The following MEGF11 variants were observed in gnomAD, a reference collection of about 807,000 sequenced individuals.
MEGF11 encodes multiple EGF like domains 11, also known as multiple epidermal growth factor-like domains protein 11.
MEGF11 carries 126 observed loss-of-function variants against 146.6 expected under a neutral mutation model. The observed-to-expected ratio is 0.86, with a 90% confidence interval of 0.74 to 1.00. MEGF11 has a LOEUF of 1.00. MEGF11 is among the 50% of genes least tolerant of loss of function. The pLI is 0.00. For synonymous variants in MEGF11, 532 were observed against 583.4 expected (o/e 0.91, Z 1.27); for missense variants, 1,509 against 1,521.2 (o/e 0.99, Z 0.13).
At chr15:65,939,877 G>T (rs1303074867) in intron 10 of MEGF11, among the ~76,000 whole-genome samples, 2 of 152,232 alleles carry the variant, frequency 1.3e-5, no homozygotes, top group East Asian at 3.9e-4. Flanking sequence ...CAGTTGTAAT[G>T]AAATAATCAT....
intron 5 of MEGF11, among the ~76,000 whole-genome samples, chr15:66,069,689 G>A (rs1318471387): frequency 6.6e-6 from 1 of 152,196 alleles, no homozygotes; most frequent in African/African-American, 2.4e-5. Context: ...GTGATGGAAA[G>A]GTTTGGCCAT....
chr15:66,032,163 A>G (rs961893011), intron 5 of MEGF11, among the ~76,000 whole-genome samples: 1 of 152,226 alleles, frequency 6.6e-6, no homozygotes, highest in Admixed American at 6.5e-5. Flanking sequence ...CTGGAGCAAA[A>G]AAGGCTGGGG....
At chr15:65,900,043 G>C (rs901589418) in intron 24 of MEGF11, among the ~76,000 whole-genome samples, 1 of 152,204 alleles carries the variant, frequency 6.6e-6, no homozygotes, top group African/African-American at 2.4e-5. Flanking sequence ...CCTGCAGATA[G>C]TCCCAGGCAA....
chr15:65,990,490 C>T (rs2081997131), intron 5 of MEGF11, among the ~76,000 whole-genome samples: 1 of 151,452 alleles, frequency 6.6e-6, no homozygotes, highest in South Asian at 2.1e-4. Context: ...GGTCGGGCTG[C>T]AGTGAGCTGT....
intron 5 of MEGF11, among the ~76,000 whole-genome samples, chr15:66,038,573 C>T (rs1452454477): frequency 6.6e-6 from 1 of 152,170 alleles, no homozygotes; most frequent in African/African-American, 2.4e-5. Flanking sequence ...CCCATAAAAA[C>T]ATGGGCGGTG....
In MEGF11 at chr15:66,207,920, TA is replaced by T. The variant is rs529334731; in HGVS notation, c.-9+45684del. On this transcript the variant is annotated intron_variant, in intron 1 of 25. Transcript: ENST00000395614. ...CAACATGGCAAAACCCTGTCTCTAC[TA>T]AAAAAAATACAAAAATTAGCCAGGT... Among the ~76,000 whole-genome samples the T allele has an allele frequency of 4.6e-5, 7 of 151,550 alleles. No individual in the cohort carries two copies. In the South Asian group the frequency reaches 1.5e-3, roughly 32 times the overall value.
intron 10 of MEGF11, among the ~76,000 whole-genome samples, chr15:65,944,011 TAAAG>T (rs1222850727): frequency 6.6e-6 from 1 of 152,152 alleles, no homozygotes; most frequent in Admixed American, 6.5e-5. Context: ...CAGAGGCTAA[TAAAG>T]AAAACTAGGG....
chr15:65,964,428 C>T (rs898228768), intron 9 of MEGF11, among the ~76,000 whole-genome samples: 2 of 152,176 alleles, frequency 1.3e-5, no homozygotes, highest in Admixed American at 6.5e-5. Context: ...TTTTTAAGGT[C>T]CCTTCGAGTC....
chr15:66,167,138 A>G (rs2090118287), intron 1 of MEGF11, among the ~76,000 whole-genome samples: 2 of 152,156 alleles, frequency 1.3e-5, no homozygotes, highest in Non-Finnish European at 2.9e-5. Flanking sequence ...GGAGCTGGGC[A>G]TCTTGATAAA....
chr15:66,180,428 G>A (rs1340298586), intron 1 of MEGF11, among the ~76,000 whole-genome samples: 2 of 152,196 alleles, frequency 1.3e-5, no homozygotes, highest in African/African-American at 4.8e-5. Context: ...ACCCCATCCT[G>A]AGCCAGCCCC....
At chr15:65,995,538 C>T (rs1416049561) in intron 5 of MEGF11, among the ~76,000 whole-genome samples, 1 of 152,210 alleles carries the variant, frequency 6.6e-6, no homozygotes, top group East Asian at 1.9e-4. Flanking sequence ...GTAACAGCCC[C>T]TAGACTGCAT....
At chr15:66,074,037 C>T (rs2085475816) in intron 5 of MEGF11, among the ~76,000 whole-genome samples, 1 of 152,146 alleles carries the variant, frequency 6.6e-6, no homozygotes, top group Admixed American at 6.5e-5. Context: ...TAACATCCTC[C>T]AGTCTTGCTA....
chr15:66,167,366 G>A (rs1184632637), intron 1 of MEGF11, among the ~76,000 whole-genome samples: 1 of 151,518 alleles, frequency 6.6e-6, no homozygotes, highest in Non-Finnish European at 1.5e-5. Flanking sequence ...GGATGGCTGG[G>A]CACGGTGGCT....
At chr15:66,086,198 T>A (rs914384220) in intron 5 of MEGF11, among the ~76,000 whole-genome samples, 1 of 152,204 alleles carries the variant, frequency 6.6e-6, no homozygotes, top group African/African-American at 2.4e-5. Flanking sequence ...TCAGTGTTCC[T>A]GAGGAAGAAG....
At position 65,916,877 on chromosome 15, in the gene MEGF11, G is replaced by A. The variant is rs146341178; in HGVS notation, c.2166C>T (p.Asp722=). ...CHNGASCSAE[D]GACHCTPGWT... ...AGCCAGGGGTGCAGTGGCAGGCCCCGTCCTCGGCGCTGCAGCTCGCCCCGT... is the reference window on the plus strand; with the variant it reads ...AGCCAGGGGTGCAGTGGCAGGCCCCATCCTCGGCGCTGCAGCTCGCCCCGT... The change falls in exon 17 of 26, where the codon GAC becomes GAT. Residue 722 remains aspartate (D), a synonymous_variant. Transcript: ENST00000395614. 559 of 1,587,936 alleles carry A rather than the reference G, an allele frequency of 3.5e-4. 2 individuals carry two copies. In the African/African-American group the frequency reaches 6.4e-3, roughly 18 times the overall value.
At chr15:66,070,049 A>G (rs2085300654) in intron 5 of MEGF11, among the ~76,000 whole-genome samples, 2 of 152,214 alleles carry the variant, frequency 1.3e-5, no homozygotes, top group Non-Finnish European at 1.5e-5. Flanking sequence ...CCTTTTCTCC[A>G]GCCCAAAGGA....
chr15:66,205,927 T>C (rs1381361456), intron 1 of MEGF11, among the ~76,000 whole-genome samples: 1 of 152,220 alleles, frequency 6.6e-6, no homozygotes, highest in Non-Finnish European at 1.5e-5. Flanking sequence ...ACCAGGAGAA[T>C]ATCAAATTGG....
In MEGF11 at chr15:65,929,809, A is replaced by G; in HGVS notation, c.1483T>C (p.Cys495Arg). The G allele has an allele frequency of 6.3e-7, 1 of 1,578,480 alleles. No individual in the cohort carries two copies. The highest frequency in any genetic ancestry group is 8.6e-7 in the Non-Finnish European group (1 of 1,162,286). The change falls in exon 12 of 26, where the codon TGT (cysteine) becomes CGT (arginine). Residue 495 changes from cysteine (C) to arginine (R), a missense_variant. Physicochemically the swap from Cys to Arg is radical, Grantham distance 180 (BLOSUM62 -3). Coordinates refer to ENST00000395614, the MANE Select transcript of MEGF11 (RefSeq NM_001385028.1). ...GGGCTGCAGGCTGCCCCATTGGCAC[A>G]GGTGCAGCTCTCGTTGCAGTTCAGG... ...WGLNCNESCT[C>R]ANGAACSPID... is the part of the protein sequence containing the mutation.
intron 5 of MEGF11, among the ~76,000 whole-genome samples, chr15:66,071,264 A>G (rs188009931): frequency 6.6e-6 from 1 of 152,124 alleles, no homozygotes; most frequent in Admixed American, 6.5e-5. Flanking sequence ...CCTTGAGGGG[A>G]AGAGCTGACA....
Sources: allele counts gnomAD v4.1 joint callset (sites outside exome capture counted in the v4.1 genomes callset), GRCh38; gene constraint gnomAD v4.1.1; transcripts MANE v1.5; gene names NCBI Gene and HGNC (gene_info 2026-07-23, HGNC 2026-07-21).